Variants in CFHR4 observed in about 807,000 individuals in gnomAD.
CFHR4 encodes the protein complement factor H related 4.
A neutral mutation model predicts 69.3 loss-of-function variants in CFHR4; 64 were observed. That is an observed-to-expected ratio of 0.92 (90% confidence interval 0.76 to 1.14). The LOEUF (loss-of-function observed/expected upper bound fraction) is 1.14. Ranked by LOEUF, CFHR4 falls within the 50% of genes most tolerant of loss-of-function variation. The pLI is 0.00. For synonymous variants in CFHR4, 244 were observed against 237.0 expected (o/e 1.03, Z -0.27); for missense variants, 636 against 684.9 (o/e 0.93, Z 0.80).
chr1:196,902,153 A>T (rs1299039511), intron 1 of CFHR4, among the ~76,000 whole-genome samples: 2 of 151,488 alleles, frequency 1.3e-5, no homozygotes, highest in Non-Finnish European at 2.9e-5. Context: ...TCATCTCTCA[A>T]CCAGGAAGCT....
intron 7 of CFHR4, 116 bp from the exon 8 acceptor site, chr1:196,914,379 A>T: frequency 2.0e-6 from 2 of 1,010,590 alleles, no homozygotes; most frequent in South Asian, 2.2e-5. Context: ...TTTTAATAGT[A>T]CTCAATTTAT....
At chr1:196,916,145 G>A (rs1475403242) in intron 9 of CFHR4, among the ~76,000 whole-genome samples, 1 of 151,412 alleles carries the variant, frequency 6.6e-6, no homozygotes, top group Non-Finnish European at 1.5e-5. Context: ...CAGTAATATA[G>A]GTATACTTCT....
At position 196,896,590 on chromosome 1, in the gene CFHR4, G is replaced by A. The variant is rs536754550; in HGVS notation, c.59-5828G>A. Among the ~76,000 whole-genome samples the A allele has an allele frequency of 2.1e-4, 32 of 151,736 alleles. No homozygotes were observed. The South Asian group carries it at 6.4e-3, about 31-fold the overall frequency. On this transcript the variant is annotated intron_variant, in intron 1 of 9. Coordinates refer to ENST00000608469, the MANE Select transcript of CFHR4 (RefSeq NM_001201550.3). Reference sequence around the variant, plus strand: ...GGCTCCCCGCTGCTATGTGCAGGTTGCTCCATAAATACACATACAGCTGCC... The same window carrying A: ...GGCTCCCCGCTGCTATGTGCAGGTTACTCCATAAATACACATACAGCTGCC...
At position 196,893,018 on chromosome 1, in the gene CFHR4, G is replaced by T. The variant is rs539575737; in HGVS notation, c.58+4810G>T. ...TGAGAGGAACATCTATCTCTTTTAG[G>T]CTTCATAAGGAAATGGTGTTTTTCA... On this transcript the variant is annotated intron_variant, in intron 1 of 9. Transcript: ENST00000608469. Among the ~76,000 whole-genome samples, 39 of 151,600 alleles carry T rather than the reference G, an allele frequency of 2.6e-4. 1 individual carries two copies. The South Asian group carries it at 5.6e-3, about 22-fold the overall frequency.
intron 5 of CFHR4, 140 bp from the exon 6 acceptor site, chr1:196,910,141 A>G: frequency 1.7e-6 from 1 of 577,720 alleles, no homozygotes; most frequent in Non-Finnish European, 2.9e-6. Flanking sequence ...GACAGAGCGA[A>G]ATTTCATCTA....
At chr1:196,890,684 T>C (rs1656976177) in intron 1 of CFHR4, among the ~76,000 whole-genome samples, 1 of 151,506 alleles carries the variant, frequency 6.6e-6, no homozygotes, top group Admixed American at 6.6e-5. Flanking sequence ...TCATTTTCAA[T>C]ACCCAGTGCA....
In CFHR4 at chr1:196,902,447, C is replaced by A. The variant is rs1268236214; in HGVS notation, c.88C>A (p.Gln30Lys). ...GAAACCTTGTGATTTTCCAGAAATT[C>A]AACATGGAGGTCTATATTATAAGAG... ...EVKPCDFPEI[Q>K]HGGLYYKSLR... Residue 30 changes from glutamine to lysine, a missense_variant, in exon 2 of 10, where the codon CAA (glutamine) becomes AAA (lysine). Transcript: ENST00000608469. The A allele has an allele frequency of 6.2e-7, 1 of 1,608,016 alleles. No homozygotes were observed. The highest frequency in any genetic ancestry group is 8.5e-7 in the Non-Finnish European group (1 of 1,177,498).
intron 9 of CFHR4, among the ~76,000 whole-genome samples, chr1:196,917,393 C>T (rs1315925218): frequency 1.3e-5 from 2 of 151,750 alleles, no homozygotes; most frequent in Admixed American, 1.3e-4. Context: ...CAAACCTGCA[C>T]ATCCTGCACA....
rs930735976 is a variant in CFHR4 at position 196,903,679 on chromosome 1, A to G, written c.256+1064A>G. On this transcript the variant is annotated intron_variant, in intron 2 of 9. Coordinates refer to ENST00000608469, the MANE Select transcript of CFHR4 (RefSeq NM_001201550.3). Reference sequence around the variant, plus strand: ...AGAAAAGAAAAAAACACATATATATATATATGTATATATATACACACACAC... The same window carrying G: ...AGAAAAGAAAAAAACACATATATATGTATATGTATATATATACACACACAC... Among the ~76,000 whole-genome samples the G allele has an allele frequency of 4.0e-5, 6 of 150,732 alleles. 1 individual carries two copies. Among genetic ancestry groups the G allele is most frequent in the African/African-American group, 1.5e-4 (6 of 40,590 alleles).
rs535317047 is a variant in CFHR4, at chr1:196,891,707, A to T, written c.58+3499A>T. On this transcript the variant is annotated intron_variant, in intron 1 of 9. Transcript: ENST00000608469. ...GTTTCAGAATTATAAAGAACTTGAT[A>T]TAAAGAAACTTGTTTCAAAATTATA... Among the ~76,000 whole-genome samples, 3 of 151,740 alleles carry T rather than the reference A, an allele frequency of 2.0e-5. No homozygotes were observed. In the East Asian group the frequency reaches 5.8e-4, roughly 29 times the overall value.
At position 196,890,158 on chromosome 1, in the gene CFHR4, G is replaced by A. The variant is rs11580666; in HGVS notation, c.58+1950G>A. Among the ~76,000 whole-genome samples, 120 of 151,558 alleles carry A rather than the reference G, an allele frequency of 7.9e-4. 2 individuals carry two copies. The highest frequency in any genetic ancestry group is 3.4e-3 in the Admixed American group (52 of 15,198). ...ATACCCACCATACATATTTTAGAGG[G>A]TATTTATCAGAATTTGATAATTATA... On this transcript the variant is annotated intron_variant, in intron 1 of 9. Coordinates refer to ENST00000608469, the MANE Select transcript of CFHR4 (RefSeq NM_001201550.3).
At chr1:196,900,026 C>T (rs776155942) in intron 1 of CFHR4, among the ~76,000 whole-genome samples, 3 of 151,428 alleles carry the variant, frequency 2.0e-5, no homozygotes, top group Non-Finnish European at 4.4e-5. Context: ...TTCATAATTC[C>T]AGAAGAATCC....
At chr1:196,901,338 C>A (rs796875034) in intron 1 of CFHR4, among the ~76,000 whole-genome samples, 31 of 151,094 alleles carry the variant, frequency 2.1e-4, no homozygotes, top group African/African-American at 7.3e-4. Context: ...ACTCACGTAT[C>A]TTTTAAATGA....
chr1:196,915,913 A>G (rs1571455484), intron 9 of CFHR4, among the ~76,000 whole-genome samples: 1 of 151,586 alleles, frequency 6.6e-6, no homozygotes, highest in African/African-American at 2.4e-5. Context: ...ATCCTCCTTG[A>G]AAACATGAAA....
intron 1 of CFHR4, among the ~76,000 whole-genome samples, chr1:196,896,397 C>A (rs1180122460): frequency 6.6e-6 from 1 of 151,490 alleles, no homozygotes; most frequent in Non-Finnish European, 1.5e-5. Flanking sequence ...CCTAGTGTAT[C>A]TCCCCTTGGA....
intron 1 of CFHR4, among the ~76,000 whole-genome samples, chr1:196,892,931 T>G (rs1657108453): frequency 6.6e-6 from 1 of 151,558 alleles, no homozygotes; most frequent in Admixed American, 6.6e-5. Flanking sequence ...AACAATGCAG[T>G]TAAGTGGAAG....
In CFHR4 at chr1:196,906,986, G is replaced by T. The variant is rs767271778; in HGVS notation, c.565G>T (p.Asp189Tyr). ...TGAAAGCAGTTATGGAAACACCACAGATTCCATAGTGTGTGGTGAAGATGG... is the reference window on the plus strand; with the variant it reads ...TGAAAGCAGTTATGGAAACACCACATATTCCATAGTGTGTGGTGAAGATGG... ...GYESSYGNTT[D>Y]SIVCGEDGWS... The change falls in exon 4 of 10, where the codon GAT becomes TAT. Residue 189 changes from aspartate to tyrosine, a missense_variant. Transcript: ENST00000608469. The T allele has an allele frequency of 2.5e-6, 4 of 1,612,466 alleles. No homozygotes were observed. The highest frequency in any genetic ancestry group is 3.4e-6 in the Non-Finnish European group (4 of 1,179,436).
At position 196,918,598 on chromosome 1, in the gene CFHR4, T is replaced by A. The variant is rs1158972376; in HGVS notation, c.*192T>A. On this transcript the variant is annotated 3_prime_UTR_variant, in exon 10 of 10. Transcript: ENST00000608469. ...AAACAAACTAAATTATTGCTTATGC[T>A]TGTACTAAAATAATAAAAACTACCC... 3.5e-6 allele frequency: 2 copies of A among 568,112 alleles called. No homozygotes were observed. Among genetic ancestry groups the A allele is most frequent in the Non-Finnish European group, 6.1e-6 (2 of 330,156 alleles). The allele number at this position is 568,112 out of a possible 1,614,324, so 35.2% of individuals were successfully genotyped here.
chr1:196,914,799 A>G, intron 8 of CFHR4, 128 bp downstream of exon 8: 1 of 1,438,764 alleles, frequency 7.0e-7, no homozygotes, highest in Non-Finnish European at 9.2e-7. Flanking sequence ...AGTGTGAATT[A>G]TCTTGAGACT....
Sources: gnomAD v4.1 joint callset for allele counts (sites outside exome capture counted in the v4.1 genomes callset) on GRCh38, gnomAD v4.1.1 for gene constraint, MANE v1.5 for transcripts, NCBI Gene and HGNC (gene_info 2026-07-23, HGNC 2026-07-21) for gene names.